The following ZFAT variants were observed in gnomAD, a reference collection of about 807,000 sequenced individuals.
The protein encoded by ZFAT is zinc finger and AT-hook domain containing.
A neutral mutation model predicts 117.7 loss-of-function variants in ZFAT; 64 were observed. The observed-to-expected ratio is 0.54, with a 90% CI of 0.44 to 0.67. ZFAT has a LOEUF of 0.67. Among genes scored for constraint, ZFAT ranks in the 30% least tolerant of loss-of-function variants. The pLI is 0.00. For synonymous variants in ZFAT, 679 were observed against 615.0 expected (o/e 1.10, Z -1.54); for missense variants, 1,433 against 1,584.5 (o/e 0.90, Z 1.62).
intron 3 of ZFAT, among the ~76,000 whole-genome samples, chr8:134,611,536 G>A (rs1439951834): frequency 6.6e-6 from 1 of 152,180 alleles, no homozygotes; most frequent in Admixed American, 6.5e-5. Context: ...GGGAATCGGG[G>A]GTGAAACATC....
chr8:134,533,668 T>C (rs1170131097), intron 11 of ZFAT, among the ~76,000 whole-genome samples: 1 of 152,170 alleles, frequency 6.6e-6, no homozygotes, highest in Non-Finnish European at 1.5e-5. Flanking sequence ...GCAGGTAAAA[T>C]CTATTTCTCA....
At chr8:134,762,011 T>TGTGTGTGTGTGTGTGTGCGC in the ZFAT span, among the ~76,000 whole-genome samples, 9 of 150,134 alleles carry the variant, frequency 6.0e-5, no homozygotes, top group African/African-American at 2.0e-4. Context: ...TGTGTGTGTG[T>TGTGTGTGTGTGTGTGTGCGC]GCAAATGTGT....
At position 134,601,918 on chromosome 8, in the gene ZFAT, T is replaced by C. The variant is rs751511499; in HGVS notation, c.1801A>G (p.Asn601Asp). Reference sequence around the variant, plus strand: ...TGAGCCTCTGCGGAGGAGGTATCATTTTTCAACAAAAAATCATCTGAAACC... The same window carrying C: ...TGAGCCTCTGCGGAGGAGGTATCATCTTTCAACAAAAAATCATCTGAAACC... ...EVVSDDFLLKNDTSSAEAHAA... is the reference protein window; with the variant it reads ...EVVSDDFLLKDDTSSAEAHAA... The change falls in exon 6 of 16, where the codon AAT becomes GAT. Residue 601 changes from asparagine to aspartate, a missense_variant. Coordinates refer to ENST00000377838, the MANE Select transcript of ZFAT (RefSeq NM_020863.4). The C allele has an allele frequency of 6.2e-7, 1 of 1,614,066 alleles. No homozygotes were observed. Among genetic ancestry groups the C allele is most frequent in the Admixed American group, 1.7e-5 (1 of 60,012 alleles).
chr8:134,684,960 G>C (rs1265919672), intron 1 of ZFAT, among the ~76,000 whole-genome samples: 1 of 152,180 alleles, frequency 6.6e-6, no homozygotes, highest in Non-Finnish European at 1.5e-5. Context: ...GAGTTTCCAC[G>C]TGTCAGCCAT....
At chr8:134,715,863 T>C (rs946636134), upstream of ZFAT, among the ~76,000 whole-genome samples, 1 of 152,198 alleles carries the variant, frequency 6.6e-6, no homozygotes, top group Non-Finnish European at 1.5e-5. Flanking sequence ...AATATCTTTA[T>C]GAGAAATAGA....
the ZFAT span, among the ~76,000 whole-genome samples, chr8:134,813,749 A>C: frequency 2.6e-5 from 4 of 151,990 alleles, no homozygotes; most frequent in African/African-American, 7.2e-5. Context: ...ACTATAATAT[A>C]GTCTTCAGGA....
At chr8:134,744,151 C>A in the ZFAT span, among the ~76,000 whole-genome samples, 1 of 152,252 alleles carries the variant, frequency 6.6e-6, no homozygotes, top group East Asian at 1.9e-4. Context: ...TCTGCATTCC[C>A]CTCTGAGGCT....
chr8:134,694,940 G>T (rs540855661), intron 1 of ZFAT, among the ~76,000 whole-genome samples: 1 of 152,176 alleles, frequency 6.6e-6, no homozygotes, highest in Admixed American at 6.5e-5. Flanking sequence ...TTTAAAGTTG[G>T]AAAATTAGTT....
chr8:134,581,572 A>G (rs1194531434), intron 10 of ZFAT, among the ~76,000 whole-genome samples: 1 of 152,112 alleles, frequency 6.6e-6, no homozygotes, highest in African/African-American at 2.4e-5. Context: ...CTGATGACTG[A>G]TGCCTTTCTT....
At chr8:134,595,587 G>C (rs1320776650) in intron 7 of ZFAT, among the ~76,000 whole-genome samples, 1 of 152,140 alleles carries the variant, frequency 6.6e-6, no homozygotes, top group African/African-American at 2.4e-5. Context: ...ATCGTCTCAA[G>C]TGCCCCCTTT....
chr8:134,608,175 T>C (rs1828036057), intron 5 of ZFAT, among the ~76,000 whole-genome samples: 1 of 152,216 alleles, frequency 6.6e-6, no homozygotes, highest in Admixed American at 6.5e-5. Flanking sequence ...GTACTTTTGG[T>C]ATTTAGTATT....
chr8:134,646,040 TA>T (rs35985182), intron 2 of ZFAT, among the ~76,000 whole-genome samples: 38 of 147,448 alleles, frequency 2.6e-4, no homozygotes, highest in East Asian at 5.9e-4. Flanking sequence ...CGTCTCTACT[TA>T]AAAAAAAAAA....
the ZFAT span, among the ~76,000 whole-genome samples, chr8:134,770,757 G>A: frequency 2.6e-5 from 4 of 152,286 alleles, no homozygotes; most frequent in East Asian, 1.9e-4. Flanking sequence ...TTTTCTCAGC[G>A]TGGAACATCC....
chr8:134,587,812 G>A (rs1465339737), intron 9 of ZFAT, among the ~76,000 whole-genome samples: 1 of 152,128 alleles, frequency 6.6e-6, no homozygotes, highest in African/African-American at 2.4e-5. Context: ...TAGCCTGAAT[G>A]GTAACACTCC....
At chr8:134,576,458 C>T (rs1404297659) in intron 10 of ZFAT, among the ~76,000 whole-genome samples, 1 of 152,102 alleles carries the variant, frequency 6.6e-6, no homozygotes, top group Non-Finnish European at 1.5e-5. Flanking sequence ...GCCTCTTCAC[C>T]TTTTCTCCAA....
At chr8:134,536,181 A>G (rs192973636) in intron 11 of ZFAT, among the ~76,000 whole-genome samples, 1 of 152,332 alleles carries the variant, frequency 6.6e-6, no homozygotes, top group East Asian at 1.9e-4. Flanking sequence ...ATGAGGATTC[A>G]GTCTCTTGAG....
In ZFAT at chr8:134,620,452, G is replaced by A. The variant is rs557385938; in HGVS notation, c.449-9797C>T. On this transcript the variant is annotated intron_variant, in intron 3 of 15. Transcript: ENST00000377838. ...GCTGCTGCTCTGGCCTGGCATCCAG[G>A]CCCAGGCATTTAAAGTCCCCTATTG... Among the ~76,000 whole-genome samples the A allele has an allele frequency of 3.3e-5, 5 of 152,284 alleles. No individual in the cohort carries two copies. In the South Asian group the frequency reaches 1.0e-3, roughly 32 times the overall value.
upstream of ZFAT, among the ~76,000 whole-genome samples, chr8:134,716,878 A>C (rs965445066): frequency 1.3e-5 from 2 of 152,230 alleles, no homozygotes; most frequent in Non-Finnish European, 2.9e-5. Flanking sequence ...CCTATTTCTT[A>C]CTTGAAGTTC....
At chr8:134,762,066 C>T in the ZFAT span, among the ~76,000 whole-genome samples, 10 of 151,722 alleles carry the variant, frequency 6.6e-5, no homozygotes, top group East Asian at 1.5e-3. Flanking sequence ...TTCTCAAATA[C>T]GTTTAAGGCC....
Sources: allele counts gnomAD v4.1 joint callset (sites outside exome capture counted in the v4.1 genomes callset), GRCh38; gene constraint gnomAD v4.1.1; transcripts MANE v1.5; gene names NCBI Gene and HGNC (gene_info 2026-07-23, HGNC 2026-07-21).